Variants in TCF12 observed in about 807,000 individuals in gnomAD.
TCF12 encodes the protein DNA-binding protein HTF4.
A neutral mutation model predicts 86.0 loss-of-function variants in TCF12; 45 were observed. That is an observed-to-expected ratio of 0.52 (90% CI 0.41 to 0.67). The LOEUF is 0.67. Among genes scored for constraint, TCF12 ranks in the 30% least tolerant of loss-of-function variants. TCF12 has a pLI of 0.00. For synonymous variants in TCF12, 330 were observed against 299.6 expected (o/e 1.10, Z -1.05); for missense variants, 881 against 859.9 (o/e 1.02, Z -0.31).
intron 5 of TCF12, among the ~76,000 whole-genome samples, chr15:57,102,815 C>G (rs1288977691): frequency 6.6e-6 from 1 of 152,048 alleles, no homozygotes; most frequent in Non-Finnish European, 1.5e-5. Flanking sequence ...GGGCAAATTT[C>G]TAGGCAAATG....
At chr15:57,007,600 G>T (rs983028582) in intron 3 of TCF12, among the ~76,000 whole-genome samples, 15 of 151,756 alleles carry the variant, frequency 9.9e-5, no homozygotes, top group Non-Finnish European at 2.1e-4. Flanking sequence ...TTTGTAAAAT[G>T]AAGAGGTAGT....
intron 6 of TCF12, among the ~76,000 whole-genome samples, chr15:57,167,532 A>G (rs1230361438): frequency 2.6e-5 from 4 of 151,964 alleles, no homozygotes; most frequent in African/African-American, 4.8e-5. Context: ...CTGCTCTCCA[A>G]CCAGGGTGAC....
At chr15:57,128,688 TC>T (rs1383080882) in intron 5 of TCF12, among the ~76,000 whole-genome samples, 4 of 152,204 alleles carry the variant, frequency 2.6e-5, no homozygotes, top group African/African-American at 9.6e-5. Context: ...AGAAGTCAAT[TC>T]CTATTTCCTC....
At chr15:57,216,270 C>G (rs2058326667) in intron 8 of TCF12, among the ~76,000 whole-genome samples, 1 of 152,126 alleles carries the variant, frequency 6.6e-6, no homozygotes, top group Non-Finnish European at 1.5e-5. Flanking sequence ...GGCATTTTCA[C>G]TAGTCATTTT....
intron 3 of TCF12, among the ~76,000 whole-genome samples, chr15:56,996,256 G>T (rs1266080228): frequency 1.3e-5 from 2 of 151,900 alleles, no homozygotes; most frequent in African/African-American, 4.8e-5. Context: ...TCTTTTTGTT[G>T]TGTGTCTGCC....
At chr15:57,239,680 C>G (rs1471542434) in intron 12 of TCF12, among the ~76,000 whole-genome samples, 1 of 151,938 alleles carries the variant, frequency 6.6e-6, no homozygotes, top group Non-Finnish European at 1.5e-5. Flanking sequence ...ATGTGCCTGT[C>G]CCAGAAACAT....
intron 8 of TCF12, among the ~76,000 whole-genome samples, chr15:57,225,125 G>A (rs937085670): frequency 1.4e-5 from 2 of 147,406 alleles, no homozygotes; most frequent in Non-Finnish European, 3.0e-5. Flanking sequence ...TTGGGATTAC[G>A]TTGTTTAAAT....
chr15:56,968,357 TTTTTTTG>T (rs2062111753), intron 3 of TCF12, among the ~76,000 whole-genome samples: 1 of 105,650 alleles, frequency 9.5e-6, no homozygotes, highest in African/African-American at 2.9e-5. Context: ...TCATATTACC[TTTTTTTG>T]TTTTTTTTTT....
chr15:57,015,015 C>A (rs1462703116), intron 3 of TCF12, among the ~76,000 whole-genome samples: 2 of 151,944 alleles, frequency 1.3e-5, no homozygotes, highest in Non-Finnish European at 2.9e-5. Context: ...ATAGTCCAGG[C>A]GTGGTGGCTC....
chr15:57,060,228 G>A lies in TCF12; in HGVS notation c.149-3522G>A, dbSNP rs547326206. Among the ~76,000 whole-genome samples the A allele has an allele frequency of 5.9e-5, 9 of 152,228 alleles. No individual in the cohort carries two copies. The South Asian group carries it at 8.3e-4, about 14-fold the overall frequency. The stretch of plus-strand genomic sequence containing the variant: ...AAATGTTTTCACAAAAGAAAGAGGC[G>A]GATTGCTTTTGTTAAGTTCACAAAC... On this transcript the variant is annotated intron_variant, in intron 3 of 20. Transcript: ENST00000333725.
At chr15:57,227,019 G>T (rs879878320) in intron 8 of TCF12, among the ~76,000 whole-genome samples, 1 of 152,084 alleles carries the variant, frequency 6.6e-6, no homozygotes, top group East Asian at 1.9e-4. Context: ...CTGTGGAAGG[G>T]TATCTCAATT....
At chr15:57,095,462 C>T (rs1406156785) in intron 5 of TCF12, among the ~76,000 whole-genome samples, 1 of 152,190 alleles carries the variant, frequency 6.6e-6, no homozygotes, top group Non-Finnish European at 1.5e-5. Flanking sequence ...CTTCCATCCC[C>T]AAGTGATTGT....
intron 3 of TCF12, among the ~76,000 whole-genome samples, chr15:56,946,800 T>G (rs866083512): frequency 2.1e-5 from 2 of 95,022 alleles, no homozygotes; most frequent in Non-Finnish European, 5.1e-5. Flanking sequence ...TAAAGTACCT[T>G]TTTTTTTTTT....
At chr15:57,178,709 A>G (rs1187819541) in intron 6 of TCF12, among the ~76,000 whole-genome samples, 2 of 152,216 alleles carry the variant, frequency 1.3e-5, no homozygotes, top group Admixed American at 6.5e-5. Flanking sequence ...AGAGTTGTAA[A>G]TTCAGGCATT....
chr15:57,155,010 G>A (rs1225155297), intron 5 of TCF12, among the ~76,000 whole-genome samples: 3 of 152,158 alleles, frequency 2.0e-5, no homozygotes, highest in African/African-American at 7.2e-5. Context: ...AACCCAGTGA[G>A]GTAGAACTAT....
At chr15:56,969,362 A>T (rs1567181520) in intron 3 of TCF12, among the ~76,000 whole-genome samples, 2 of 152,058 alleles carry the variant, frequency 1.3e-5, no homozygotes, top group Non-Finnish European at 2.9e-5. Flanking sequence ...TAAAATTTGG[A>T]TATATATCGG....
intron 3 of TCF12, among the ~76,000 whole-genome samples, chr15:56,946,240 A>G (rs1485196345): frequency 6.6e-6 from 1 of 152,190 alleles, no homozygotes; most frequent in East Asian, 1.9e-4. Flanking sequence ...CACATATATT[A>G]GCACTCTTGA....
intron 6 of TCF12, among the ~76,000 whole-genome samples, chr15:57,182,074 A>C (rs886549279): frequency 1.3e-5 from 2 of 152,220 alleles, no homozygotes; most frequent in African/African-American, 2.4e-5. Context: ...GCTCGGCACA[A>C]TAAAACTGCT....
chr15:56,950,745 G>GCTTTTTTTTT lies in TCF12; in HGVS notation c.148+29647_148+29648insCTTTTTTTTT, dbSNP rs1555455322. Among the ~76,000 whole-genome samples the GCTTTTTTTTT allele has an allele frequency of 2.0e-4, 17 of 85,900 alleles. 6 individuals carry two copies. Among genetic ancestry groups the GCTTTTTTTTT allele is most frequent in the Non-Finnish European group, 1.9e-4 (9 of 48,432 alleles). 56.4% of individuals were successfully genotyped at this position (85,900 alleles called of 152,430 possible). ...TTACAAATAAAGCTATTATGACCAT[G>GCTTTTTTTTT]TTTTTTTTTTTTTTTTTTTTTTTTT... On this transcript the variant is annotated intron_variant, in intron 3 of 20. Transcript: ENST00000333725.
Sources: gnomAD v4.1 joint callset for allele counts (sites outside exome capture counted in the v4.1 genomes callset) on GRCh38, gnomAD v4.1.1 for gene constraint, MANE v1.5 for transcripts, NCBI Gene and HGNC (gene_info 2026-07-23, HGNC 2026-07-21) for gene names.